The following CBLN1 variants were observed in gnomAD, a reference collection of about 807,000 sequenced individuals.
CBLN1 encodes the protein cerebellin 1 precursor, also known as cerebellin-1.
A neutral mutation model predicts 15.9 loss-of-function variants in CBLN1; 5 were observed. The ratio of observed to expected loss-of-function variants is 0.31; its 90% CI spans 0.16 to 0.66. CBLN1 has a LOEUF of 0.66. Among genes scored for constraint, CBLN1 ranks in the 30% least tolerant of loss-of-function variants. The pLI is 0.75. For synonymous variants in CBLN1, 90 were observed against 107.6 expected, an observed-to-expected ratio of 0.84 and a Z score of 1.01; for missense variants, 164 against 253.7, an observed-to-expected ratio of 0.65 and a Z score of 2.40.
rs1963273711 is a variant in CBLN1, at chr16:49,280,960, A to T, written c.347T>A (p.Phe116Tyr). Residue 116 changes from phenylalanine to tyrosine, a missense_variant, in exon 2 of 3, where the codon TTC becomes TAC. This residue lies in a region of CBLN1 where 127 missense variants were observed against 179.7 expected (regional missense o/e 0.71). Coordinates refer to ENST00000219197, the MANE Select transcript of CBLN1 (RefSeq NM_004352.4). ...TCTGTTGTAGACTTTTACCACGTGG[A>T]AGTTAAAACTGTAGATCCCTTTGCG... The part of the protein sequence containing the change: ...APRKGIYSFN[F>Y]HVVKVYNRQT... 6.2e-7 allele frequency: 1 copy of T among 1,614,108 alleles called. No individual in the cohort carries two copies. The highest frequency in any genetic ancestry group is 8.5e-7 in the Non-Finnish European group (1 of 1,180,032).
Position 49,281,584 on chromosome 16 carries a change from C to A in CBLN1, c.-119G>T. ...GCTCCGTGCGCAGCTCCGCCGCCGC[C>A]GCTCTGGACACTACACCTCTTCCTC... is the stretch of plus-strand genomic sequence containing the variant. On this transcript the variant is annotated 5_prime_UTR_variant, in exon 1 of 3. Coordinates refer to ENST00000219197, the MANE Select transcript of CBLN1 (RefSeq NM_004352.4). The A allele has an allele frequency of 3.4e-6, 2 of 580,736 alleles. No individual in the cohort carries two copies. The highest frequency in any genetic ancestry group is 2.6e-6 in the Non-Finnish European group (1 of 381,778). 36.0% of individuals were successfully genotyped at this position (580,736 alleles called of 1,614,324 possible).
Position 49,281,505 on chromosome 16 carries a change from T to A in CBLN1, c.-40A>T. 1 of 920,230 alleles carries A rather than the reference T, an allele frequency of 1.1e-6. No individual in the cohort carries two copies. Among genetic ancestry groups the A allele is most frequent in the Non-Finnish European group, 1.4e-6 (1 of 739,654 alleles). 57.0% of individuals were successfully genotyped at this position (920,230 alleles called of 1,614,324 possible). ...CCACCCCGCCCCCCACCCCCAGGGCTGCTCGCGCCAGCCGCCCCCCCCGTC... is the reference window on the plus strand; with the variant it reads ...CCACCCCGCCCCCCACCCCCAGGGCAGCTCGCGCCAGCCGCCCCCCCCGTC... On this transcript the variant is annotated 5_prime_UTR_variant, in exon 1 of 3. Transcript: ENST00000219197.
At chr16:49,280,780 G>A in intron 2 of CBLN1, 143 bp downstream of exon 2, 2 of 838,960 alleles carry the variant, frequency 2.4e-6, no homozygotes, top group Non-Finnish European at 3.9e-6. Flanking sequence ...CCACAGAACT[G>A]AGAGGCCCCG....
Position 49,279,391 on chromosome 16 carries a change from G to C in CBLN1, c.*13C>G. 1 of 1,613,094 alleles carries C rather than the reference G, an allele frequency of 6.2e-7. No individual in the cohort carries two copies. Among genetic ancestry groups the C allele is most frequent in the Non-Finnish European group, 8.5e-7 (1 of 1,179,230 alleles). ...TTCGCCCTCTCCCTGCCTCCCTTCCGGCTACGAGCCAGTCAGAGAGGAAAC... is the reference window on the plus strand; with the variant it reads ...TTCGCCCTCTCCCTGCCTCCCTTCCCGCTACGAGCCAGTCAGAGAGGAAAC... On this transcript the variant is annotated 3_prime_UTR_variant, in exon 3 of 3. Coordinates refer to ENST00000219197, the MANE Select transcript of CBLN1 (RefSeq NM_004352.4).
intron 2 of CBLN1, 121 bp downstream of exon 2, chr16:49,280,801 CT>C: frequency 9.1e-7 from 1 of 1,099,908 alleles, no homozygotes; most frequent in African/African-American, 1.5e-5. Context: ...CTATCTGTCC[CT>C]CCAAGCAGCC....
At chr16:49,279,734 G>C in intron 2 of CBLN1, 133 bp from the exon 3 acceptor site, 1 of 628,268 alleles carries the variant, frequency 1.6e-6, no homozygotes, top group East Asian at 3.4e-5. Flanking sequence ...GGTGGGGGGG[G>C]CGAATGGAGG....
chr16:49,279,417 A>C lies in CBLN1; in HGVS notation c.569T>G (p.Val190Gly). 1 of 1,614,066 alleles carries C rather than the reference A, an allele frequency of 6.2e-7. No individual in the cohort carries two copies. Among genetic ancestry groups the C allele is most frequent in the South Asian group, 1.1e-5 (1 of 91,074 alleles). The change falls in exon 3 of 3, where the codon GTG becomes GGG. Residue 190 changes from valine to glycine, a missense_variant. Val to Gly is a moderately radical substitution (Grantham distance 109). Coordinates refer to ENST00000219197, the MANE Select transcript of CBLN1 (RefSeq NM_004352.4). ...GCTACGAGCCAGTCAGAGAGGAAACACCAGGAATCCGGAGAAGGTCGAGTA... is the reference window on the plus strand; with the variant it reads ...GCTACGAGCCAGTCAGAGAGGAAACCCCAGGAATCCGGAGAAGGTCGAGTA... The part of the protein sequence containing the change: ...WKYSTFSGFL[V>G]FPL
chr16:49,279,670 C>T, intron 2 of CBLN1, 69 bp from the exon 3 acceptor site: 5 of 1,400,550 alleles, frequency 3.6e-6, no homozygotes, highest in Non-Finnish European at 5.0e-6. Context: ...TGGAGCGAAC[C>T]TCCTCCTTGC....
At chr16:49,280,662 G>A (rs1275704547) in intron 2 of CBLN1, among the ~76,000 whole-genome samples, 1 of 152,126 alleles carries the variant, frequency 6.6e-6, no homozygotes, top group Non-Finnish European at 1.5e-5. Context: ...CTGAAATCCA[G>A]GGAACCCTTC....
chr16:49,279,458 C>G lies in CBLN1; in HGVS notation c.528G>C (p.Leu176Phe). Reference protein sequence around the residue: ...RAYLKLERGNLMGGWKYSTFS... With the variant: ...RAYLKLERGNFMGGWKYSTFS... ...AGGTCGAGTACTTCCAGCCCCCCAT[C>G]AAGTTTCCCCGCTCCAGCTTGAGGT... The change falls in exon 3 of 3, where the codon TTG becomes TTC. Residue 176 changes from leucine (L) to phenylalanine (F), a missense_variant. By Grantham distance (22) the Leu-to-Phe change is conservative (BLOSUM62 0). Around this residue, in one of 3 missense-constraint regions of CBLN1, gnomAD observed 29 missense variants for 38.0 expected, o/e 0.76. Coordinates refer to ENST00000219197, the MANE Select transcript of CBLN1 (RefSeq NM_004352.4). 1 of 1,614,222 alleles carries G rather than the reference C, an allele frequency of 6.2e-7. No individual in the cohort carries two copies. Among genetic ancestry groups the G allele is most frequent in the Non-Finnish European group, 8.5e-7 (1 of 1,180,050 alleles).
rs1299403808 is a variant in CBLN1, at chr16:49,278,891, AC to A, written c.*512del. Reference sequence around the variant, plus strand: ...TTTGAGCAGTGTTTTAAGAAGAGCAACACTTGCCAAATTAAAACTACCTTCC... The same window carrying A: ...TTTGAGCAGTGTTTTAAGAAGAGCAAACTTGCCAAATTAAAACTACCTTCC... On this transcript the variant is annotated 3_prime_UTR_variant, in exon 3 of 3. Coordinates refer to ENST00000219197, the MANE Select transcript of CBLN1 (RefSeq NM_004352.4). The A allele has an allele frequency of 1.3e-5, 2 of 155,000 alleles. No homozygotes were observed. The highest frequency in any genetic ancestry group is 2.8e-5 in the Non-Finnish European group (2 of 70,286). 9.6% of individuals were successfully genotyped at this position (155,000 alleles called of 1,614,324 possible).
rs1401387852 is a variant in CBLN1 at position 49,281,522 on chromosome 16, C to A, written c.-57G>T. 12 of 1,213,870 alleles carry A rather than the reference C, an allele frequency of 9.9e-6. No individual in the cohort carries two copies. Among genetic ancestry groups the A allele is most frequent in the South Asian group, 4.3e-5 (2 of 46,188 alleles). 75.2% of individuals were successfully genotyped at this position (1,213,870 alleles called of 1,614,324 possible). A position where few individuals can be genotyped will look rare whatever the true frequency, so the allele number is the denominator to read the frequency against. On this transcript the variant is annotated 5_prime_UTR_variant, in exon 1 of 3. Coordinates refer to ENST00000219197, the MANE Select transcript of CBLN1 (RefSeq NM_004352.4). ...CCCAGGGCTGCTCGCGCCAGCCGCC[C>A]CCCCCGTCCCAGTCCCGCTCCGAAG... is the stretch of plus-strand genomic sequence containing the variant.
At chr16:49,281,121 G>A (rs755561126) in intron 1 of CBLN1, 79 bp from the exon 2 acceptor site, 1 of 1,613,982 alleles carries the variant, frequency 6.2e-7, no homozygotes, top group South Asian at 1.1e-5. Flanking sequence ...CAGAGCCCTT[G>A]GAGAGGACCG....
chr16:49,280,811 C>T lies in CBLN1; in HGVS notation c.384+112G>A, dbSNP rs536521268. ...CCCCGCTATCTGTCCCTCCAAGCAG[C>T]CCGAAGTACATGCAGCCGCCACTTC... is the stretch of plus-strand genomic sequence containing the variant. On this transcript the variant is annotated intron_variant, in intron 2 of 2. Coordinates refer to ENST00000219197, the MANE Select transcript of CBLN1 (RefSeq NM_004352.4). The T allele has an allele frequency of 2.9e-4, 351 of 1,217,066 alleles. 1 individual carries two copies. In the African/African-American group the frequency reaches 4.8e-3, roughly 17 times the overall value. The allele number at this position is 1,217,066 out of a possible 1,614,324, so 75.4% of individuals were successfully genotyped here.
chr16:49,279,063 G>T lies in CBLN1; in HGVS notation c.*341C>A. 1 of 305,644 alleles carries T rather than the reference G, an allele frequency of 3.3e-6. No homozygotes were observed. The highest frequency in any genetic ancestry group is 2.2e-5 in the African/African-American group (1 of 45,746). The allele number at this position is 305,644 out of a possible 1,614,324, so 18.9% of individuals were successfully genotyped here. A position where few individuals can be genotyped will look rare whatever the true frequency, so the allele number is the denominator to read the frequency against. ...GGAGAAAGATTTCAGATTATGTAGT[G>T]AAATACAAAGTTTCTTTAAATAAAT... On this transcript the variant is annotated 3_prime_UTR_variant, in exon 3 of 3. Transcript: ENST00000219197.
rs1347001415 is a variant in CBLN1, at chr16:49,278,505, G to A, written c.*899C>T. 1.3e-5 allele frequency: 2 copies of A among 152,372 alleles called. No individual in the cohort carries two copies. The highest frequency in any genetic ancestry group is 1.9e-4 in the East Asian group (1 of 5,190). The allele number at this position is 152,372 out of a possible 1,614,324, so 9.4% of individuals were successfully genotyped here. On this transcript the variant is annotated 3_prime_UTR_variant, in exon 3 of 3. Coordinates refer to ENST00000219197, the MANE Select transcript of CBLN1 (RefSeq NM_004352.4). Reference sequence around the variant, plus strand: ...GCAGCTGGGGAAGATGCGGATTTTAGAAAGCTGTTTCAGAAAAATAAAAGT... The same window carrying A: ...GCAGCTGGGGAAGATGCGGATTTTAAAAAGCTGTTTCAGAAAAATAAAAGT...
rs767054721 is a variant in CBLN1, at chr16:49,281,303, C to G, written c.163G>C (p.Val55Leu). 1 of 1,613,610 alleles carries G rather than the reference C, an allele frequency of 6.2e-7. No homozygotes were observed. ...GCCACCTTGGCGCTGCCAGAGCGCA[C>G]AGAGATGCCCAGGGCAGTGCCCGTG... is the stretch of plus-strand genomic sequence containing the variant. ...DPTGTALGIS[V>L]RSGSAKVAFS... The change falls in exon 1 of 3, where the codon GTG becomes CTG. Residue 55 changes from valine (V) to leucine (L), a missense_variant. This residue lies in a region of CBLN1 where 127 missense variants were observed against 179.7 expected (regional missense o/e 0.71). Transcript: ENST00000219197.
intron 2 of CBLN1, 33 bp downstream of exon 2, chr16:49,280,890 G>T (rs757659587): frequency 6.2e-7 from 1 of 1,613,840 alleles, no homozygotes; most frequent in South Asian, 1.1e-5. Context: ...ACCCCCCTAC[G>T]GGGCCAGGGC....
rs1963286340 is a variant in CBLN1, at chr16:49,281,246, G to A, written c.220C>T (p.Pro74Ser). 1 of 1,613,958 alleles carries A rather than the reference G, an allele frequency of 6.2e-7. No individual in the cohort carries two copies. Among genetic ancestry groups the A allele is most frequent in the Non-Finnish European group, 8.5e-7 (1 of 1,180,052 alleles). ...ATGGTGCGATTACTCATCTCGGACGGCTCGTGGTTGGTGCTCCTGATGGCA... is the reference window on the plus strand; with the variant it reads ...ATGGTGCGATTACTCATCTCGGACGACTCGTGGTTGGTGCTCCTGATGGCA... ...FSAIRSTNHE[P>S]SEMSNRTMII... The change falls in exon 1 of 3, where the codon CCG (proline) becomes TCG (serine). Residue 74 changes from proline to serine, a missense_variant. Around this residue, in one of 3 missense-constraint regions of CBLN1, gnomAD observed 127 missense variants for 179.7 expected, o/e 0.71. Coordinates refer to ENST00000219197, the MANE Select transcript of CBLN1 (RefSeq NM_004352.4).
Sources: gnomAD v4.1 joint callset for allele counts (sites outside exome capture counted in the v4.1 genomes callset) on GRCh38, gnomAD v4.1.1 for gene constraint, gnomAD v4.1.1 regional missense constraint, MANE v1.5 for transcripts, NCBI Gene and HGNC (gene_info 2026-07-23, HGNC 2026-07-21) for gene names.